Variants in PLXDC2 observed in about 807,000 individuals in gnomAD.
PLXDC2 encodes plexin domain-containing protein 2.
A neutral mutation model predicts 68.9 loss-of-function variants in PLXDC2; 40 were observed. The observed-to-expected ratio is 0.58, with a 90% CI of 0.45 to 0.76. The LOEUF (loss-of-function observed/expected upper bound fraction) is 0.76, where lower values mean the gene tolerates loss of function less well. Ranked by LOEUF, PLXDC2 falls within the 30% of genes least tolerant of loss-of-function variation. The pLI, the probability that PLXDC2 is intolerant of heterozygous loss-of-function variation, is 0.00. For synonymous variants in PLXDC2, 243 were observed against 234.2 expected, an observed-to-expected ratio of 1.04 and a Z score of -0.34; for missense variants, 644 against 661.9, an observed-to-expected ratio of 0.97 and a Z score of 0.30.
intron 9 of PLXDC2, among the ~76,000 whole-genome samples, chr10:20,195,216 C>G (rs1447644932): frequency 6.6e-6 from 1 of 152,066 alleles, no homozygotes; most frequent in Non-Finnish European, 1.5e-5. Context: ...AAGTCTATCT[C>G]TCCTCCATTG....
chr10:19,989,910 C>T lies in PLXDC2; in HGVS notation c.113-11865C>T, dbSNP rs368786568. Among the ~76,000 whole-genome samples, 7 of 151,754 alleles carry T rather than the reference C, an allele frequency of 4.6e-5. No homozygotes were observed. In the South Asian group the frequency reaches 6.2e-4, roughly 14 times the overall value. On this transcript the variant is annotated intron_variant, in intron 1 of 13. Coordinates refer to ENST00000377252, the MANE Select transcript of PLXDC2 (RefSeq NM_032812.9). ...GATTGCAAGCATTCGCCACCATGCC[C>T]GGCTAATTTTTGTATCTTTAGTAGT...
intron 1 of PLXDC2, among the ~76,000 whole-genome samples, chr10:19,937,780 C>A (rs1037391987): frequency 6.6e-6 from 1 of 151,886 alleles, no homozygotes; most frequent in African/African-American, 2.4e-5. Context: ...AACAGAATTT[C>A]TTTCTAGATG....
intron 5 of PLXDC2, 84 bp from the exon 6 acceptor site, chr10:20,147,700 A>G (rs1834097891): frequency 4.8e-6 from 4 of 825,980 alleles, no homozygotes; most frequent in Non-Finnish European, 7.7e-6. Context: ...GGCCAGATGC[A>G]AAAACATTTT....
intron 3 of PLXDC2, among the ~76,000 whole-genome samples, chr10:20,049,862 T>G (rs1432195921): frequency 6.6e-6 from 1 of 152,036 alleles, no homozygotes; most frequent in Non-Finnish European, 1.5e-5. Context: ...AAAAATTTAT[T>G]TAAAATTCAT....
chr10:20,160,435 C>A (rs1834275584), intron 6 of PLXDC2, among the ~76,000 whole-genome samples: 1 of 151,996 alleles, frequency 6.6e-6, no homozygotes, highest in African/African-American at 2.4e-5. Flanking sequence ...AGTATTTCAC[C>A]CTTATCATTT....
intron 4 of PLXDC2, among the ~76,000 whole-genome samples, chr10:20,132,755 A>G (rs1833883987): frequency 1.0e-5 from 1 of 98,912 alleles, no homozygotes; most frequent in Admixed American, 1.2e-4. Context: ...TGTAAAGAAC[A>G]TATAGTTTGA....
At chr10:20,243,121 A>G (rs1459888442) in intron 12 of PLXDC2, among the ~76,000 whole-genome samples, 4 of 152,194 alleles carry the variant, frequency 2.6e-5, no homozygotes, top group Non-Finnish European at 1.5e-5. Context: ...AATAAGAGGA[A>G]ATAGCAGGAC....
At chr10:20,056,210 A>G (rs977339996) in intron 3 of PLXDC2, among the ~76,000 whole-genome samples, 2 of 152,178 alleles carry the variant, frequency 1.3e-5, no homozygotes, top group African/African-American at 4.8e-5. Context: ...TTCTACCATT[A>G]ATTCATTTTA....
At position 19,939,265 on chromosome 10, in the gene PLXDC2, A is replaced by G. The variant is rs556609981; in HGVS notation, c.113-62510A>G. 1.4e-3 allele frequency among the ~76,000 whole-genome samples: 211 copies of G among 152,354 alleles called. 1 individual carries two copies. Among genetic ancestry groups the G allele is most frequent in the South Asian group, 6.4e-3 (31 of 4,828 alleles). On this transcript the variant is annotated intron_variant, in intron 1 of 13. Transcript: ENST00000377252. ...ACAGCCATTTCTAGGCTAAGATGCAATAGGACTTTAACAATGTAAAGCAAC... is the reference window on the plus strand; with the variant it reads ...ACAGCCATTTCTAGGCTAAGATGCAGTAGGACTTTAACAATGTAAAGCAAC...
chr10:19,861,725 T>C (rs965650055), intron 1 of PLXDC2, among the ~76,000 whole-genome samples: 11 of 152,230 alleles, frequency 7.2e-5, no homozygotes, highest in African/African-American at 2.7e-4. Flanking sequence ...TTTGACCTTT[T>C]CTGCAGCTCC....
chr10:20,226,693 A>T (rs138037166), intron 12 of PLXDC2, among the ~76,000 whole-genome samples: 215 of 152,302 alleles, frequency 1.4e-3, no homozygotes, highest in Admixed American at 2.4e-3. Flanking sequence ...GAACGAGATG[A>T]TATAGCAGAG....
chr10:20,137,017 T>G (rs1047317899), intron 4 of PLXDC2, among the ~76,000 whole-genome samples: 1 of 152,192 alleles, frequency 6.6e-6, no homozygotes, highest in Non-Finnish European at 1.5e-5. Flanking sequence ...ACCAAGAACT[T>G]TGGACCCTCA....
chr10:19,906,022 C>G (rs1334230379), intron 1 of PLXDC2, among the ~76,000 whole-genome samples: 1 of 151,692 alleles, frequency 6.6e-6, no homozygotes, highest in Non-Finnish European at 1.5e-5. Flanking sequence ...ACTCAAATCT[C>G]TGCCTTGATG....
At chr10:20,017,042 C>A (rs1835224219) in intron 2 of PLXDC2, among the ~76,000 whole-genome samples, 1 of 152,178 alleles carries the variant, frequency 6.6e-6, no homozygotes, top group Non-Finnish European at 1.5e-5. Flanking sequence ...CCTAGGCAAT[C>A]ACAAATTGAA....
At chr10:20,223,069 G>C (rs1588527144) in intron 12 of PLXDC2, among the ~76,000 whole-genome samples, 1 of 152,166 alleles carries the variant, frequency 6.6e-6, no homozygotes, top group East Asian at 1.9e-4. Context: ...TTATTGAATT[G>C]AATGGTTGCT....
At chr10:20,094,599 T>C (rs12240389) in intron 4 of PLXDC2, among the ~76,000 whole-genome samples, 9,237 of 152,174 alleles carry the variant, frequency 0.061, 435 homozygotes, top group African/African-American at 0.13. Context: ...ATGCATTTCA[T>C]AGAAAGTTAT....
rs568037202 is a variant in PLXDC2, at chr10:19,965,036, T to G, written c.113-36739T>G. Among the ~76,000 whole-genome samples, 23 of 152,358 alleles carry G rather than the reference T, an allele frequency of 1.5e-4. No individual in the cohort carries two copies. In the South Asian group the frequency reaches 4.8e-3, roughly 32 times the overall value. The stretch of plus-strand genomic sequence containing the variant: ...AGACAATATTTAATTTATGACATTT[T>G]GAATATTGCACAGAGAAATTTGGAA... On this transcript the variant is annotated intron_variant, in intron 1 of 13. Transcript: ENST00000377252.
chr10:19,916,795 G>C (rs1236011084), intron 1 of PLXDC2, among the ~76,000 whole-genome samples: 1 of 152,094 alleles, frequency 6.6e-6, no homozygotes, highest in Non-Finnish European at 1.5e-5. Context: ...GAAAACTGGA[G>C]TAATCGTCAT....
chr10:19,846,873 C>T (rs953511277), intron 1 of PLXDC2, among the ~76,000 whole-genome samples: 3 of 152,086 alleles, frequency 2.0e-5, no homozygotes, highest in Admixed American at 6.6e-5. Flanking sequence ...TTAATGGACT[C>T]ACAGTTCCAT....
Sources: gnomAD v4.1 joint callset for allele counts (sites outside exome capture counted in the v4.1 genomes callset) on GRCh38, gnomAD v4.1.1 for gene constraint, MANE v1.5 for transcripts, NCBI Gene and HGNC (gene_info 2026-07-23, HGNC 2026-07-21) for gene names.